ST6GALNAC3: variants seen among roughly 807,000 people sequenced by gnomAD.
ST6GALNAC3 encodes alpha-N-acetylgalactosaminide alpha-2,6-sialyltransferase 3.
ST6GALNAC3 carries 25 observed loss-of-function variants against 32.7 expected under a neutral mutation model. That is an observed-to-expected ratio of 0.76 (90% CI 0.56 to 1.07). ST6GALNAC3 has a LOEUF of 1.07. Among genes scored for constraint, ST6GALNAC3 ranks in the 50% least tolerant of loss-of-function variants. The probability of loss-of-function intolerance (pLI) is 0.00; values close to 1 mark genes in which losing one functional copy is unlikely to be tolerated. For missense variants in ST6GALNAC3, 355 were observed against 382.4 expected, an observed-to-expected ratio of 0.93 and a Z score of 0.60; for synonymous variants, 129 against 133.1, an observed-to-expected ratio of 0.97 and a Z score of 0.21.
At chr1:76,273,669 A>G (rs989005899) in intron 1 of ST6GALNAC3, among the ~76,000 whole-genome samples, 3 of 152,260 alleles carry the variant, frequency 2.0e-5, no homozygotes, top group African/African-American at 7.2e-5. Flanking sequence ...ACCTGTTTAC[A>G]TATGCCTGGT....
intron 1 of ST6GALNAC3, among the ~76,000 whole-genome samples, chr1:76,146,472 C>G (rs1294954863): frequency 6.6e-6 from 1 of 152,146 alleles, no homozygotes; most frequent in Non-Finnish European, 1.5e-5. Context: ...TTGGCATGCT[C>G]CTGTCCTCTC....
chr1:76,277,526 GTGTATA>G (rs1303226194), intron 1 of ST6GALNAC3, among the ~76,000 whole-genome samples: 2 of 81,248 alleles, frequency 2.5e-5, no homozygotes, highest in East Asian at 5.0e-4. Flanking sequence ...ATATGTTTAT[GTGTATA>G]TATATATATA....
intron 3 of ST6GALNAC3, among the ~76,000 whole-genome samples, chr1:76,450,408 C>G (rs1255291452): frequency 6.6e-6 from 1 of 152,124 alleles, no homozygotes; most frequent in Non-Finnish European, 1.5e-5. Flanking sequence ...CCTTAGCCCA[C>G]TTTTTGATGA....
At chr1:76,208,041 GC>G (rs5775330) in intron 1 of ST6GALNAC3, among the ~76,000 whole-genome samples, 2,192 of 54,304 alleles carry the variant, frequency 0.04, 57 homozygotes, top group Middle Eastern at 0.094. Flanking sequence ...ACTCAAGAGT[GC>G]CCCCCCCCCC....
At chr1:76,162,792 G>A (rs1345489169) in intron 1 of ST6GALNAC3, among the ~76,000 whole-genome samples, 1 of 152,162 alleles carries the variant, frequency 6.6e-6, no homozygotes, top group Non-Finnish European at 1.5e-5. Flanking sequence ...GTTAGCAAGG[G>A]GGCCCAGCTA....
chr1:76,164,470 C>A (rs2100391214), intron 1 of ST6GALNAC3, among the ~76,000 whole-genome samples: 1 of 152,162 alleles, frequency 6.6e-6, no homozygotes, highest in Middle Eastern at 3.4e-3. Flanking sequence ...AGAAGTTATC[C>A]CAACCTTCAA....
chr1:76,245,520 T>G (rs1025695061), intron 1 of ST6GALNAC3, among the ~76,000 whole-genome samples: 2 of 152,162 alleles, frequency 1.3e-5, no homozygotes, highest in Non-Finnish European at 2.9e-5. Flanking sequence ...AATTTTGATG[T>G]TAGGGTATAG....
At chr1:76,532,465 T>A (rs912685117) in intron 3 of ST6GALNAC3, among the ~76,000 whole-genome samples, 1 of 152,158 alleles carries the variant, frequency 6.6e-6, no homozygotes, top group African/African-American at 2.4e-5. Context: ...CCCTTCACTC[T>A]GATTCCACTC....
intron 1 of ST6GALNAC3, among the ~76,000 whole-genome samples, chr1:76,176,627 CT>C (rs202003329): frequency 6.6e-4 from 99 of 150,316 alleles, no homozygotes; most frequent in Middle Eastern, 3.4e-3. Flanking sequence ...AACAAAATAA[CT>C]TTTTTTTTTC....
chr1:76,324,329 C>T (rs983958604), intron 2 of ST6GALNAC3, among the ~76,000 whole-genome samples: 1 of 152,112 alleles, frequency 6.6e-6, no homozygotes, highest in African/African-American at 2.4e-5. Flanking sequence ...CTTAATAGGA[C>T]TACAATATGG....
chr1:76,209,499 T>C (rs538541705), intron 1 of ST6GALNAC3, among the ~76,000 whole-genome samples: 1 of 152,320 alleles, frequency 6.6e-6, no homozygotes, highest in South Asian at 2.1e-4. Context: ...CTTTTCCTAA[T>C]ACACACAAAG....
At chr1:76,324,151 C>T (rs1342931048) in intron 2 of ST6GALNAC3, among the ~76,000 whole-genome samples, 8 of 152,132 alleles carry the variant, frequency 5.3e-5, no homozygotes, top group East Asian at 1.9e-4. Flanking sequence ...CCACCATGCC[C>T]GGTTGAAGAA....
chr1:76,532,023 G>T (rs1052745030), intron 3 of ST6GALNAC3, among the ~76,000 whole-genome samples: 2 of 152,150 alleles, frequency 1.3e-5, no homozygotes, highest in Non-Finnish European at 2.9e-5. Flanking sequence ...GGGATACTGG[G>T]ATAGCTGTCG....
chr1:76,491,875 A>T (rs1171120921), intron 3 of ST6GALNAC3, among the ~76,000 whole-genome samples: 1 of 152,196 alleles, frequency 6.6e-6, no homozygotes, highest in East Asian at 1.9e-4. Context: ...ATTGTCTACA[A>T]GCCATGTAAT....
intron 2 of ST6GALNAC3, among the ~76,000 whole-genome samples, chr1:76,334,086 T>G (rs1447995300): frequency 1.3e-5 from 2 of 152,248 alleles, no homozygotes; most frequent in African/African-American, 4.8e-5. Context: ...TTCCACCTGG[T>G]AGAATTACAT....
At chr1:76,560,099 C>T (rs2100422978) in intron 3 of ST6GALNAC3, among the ~76,000 whole-genome samples, 1 of 152,224 alleles carries the variant, frequency 6.6e-6, no homozygotes, top group Middle Eastern at 3.4e-3. Context: ...ACCATCTCTT[C>T]AATAAATGAT....
intron 1 of ST6GALNAC3, among the ~76,000 whole-genome samples, chr1:76,203,506 G>A (rs1654647948): frequency 7.9e-6 from 1 of 125,948 alleles, no homozygotes; most frequent in Non-Finnish European, 1.7e-5. Context: ...GTCAAATGAG[G>A]GAAAAGGTGA....
chr1:76,335,625 T>C (rs1011724427), intron 2 of ST6GALNAC3, among the ~76,000 whole-genome samples: 1 of 152,204 alleles, frequency 6.6e-6, no homozygotes, highest in Non-Finnish European at 1.5e-5. Flanking sequence ...ATTTTTTTTC[T>C]TCATGAACAT....
intron 2 of ST6GALNAC3, among the ~76,000 whole-genome samples, chr1:76,369,185 T>C (rs1239244248): frequency 1.3e-5 from 2 of 152,088 alleles, no homozygotes; most frequent in African/African-American, 4.8e-5. Context: ...GTCTAAAATG[T>C]TGGGCTCAGT....
Sources: allele counts gnomAD v4.1 joint callset (sites outside exome capture counted in the v4.1 genomes callset), GRCh38; gene constraint gnomAD v4.1.1; transcripts MANE v1.5; gene names NCBI Gene and HGNC (gene_info 2026-07-23, HGNC 2026-07-21).